FRMD6: variants seen among roughly 807,000 people sequenced by gnomAD.
The protein encoded by FRMD6 is FERM domain containing 6.
FRMD6 carries 37 observed loss-of-function variants against 73.2 expected under a neutral mutation model. The observed-to-expected ratio is 0.51, with a 90% confidence interval of 0.39 to 0.66. FRMD6 has a LOEUF of 0.66. Among genes scored for constraint, FRMD6 ranks in the 30% least tolerant of loss-of-function variants. The probability of loss-of-function intolerance (pLI) is 0.00; values close to 1 mark genes in which losing one functional copy is unlikely to be tolerated. For missense variants in FRMD6, 714 were observed against 780.5 expected (o/e 0.91, Z 1.02); for synonymous variants, 273 against 282.2 (o/e 0.97, Z 0.33).
chr14:51,651,444 C>G (rs1339348826), upstream of FRMD6: 4 of 152,288 alleles, frequency 2.6e-5, no homozygotes, highest in African/African-American at 4.8e-5. Context: ...CCCGGCCAGC[C>G]CGACTCGGCT....
At chr14:51,654,699 A>G (rs916957432) in intron 1 of FRMD6, among the ~76,000 whole-genome samples, 2 of 152,136 alleles carry the variant, frequency 1.3e-5, no homozygotes, top group Non-Finnish European at 1.5e-5. Context: ...TTAGATTTGG[A>G]TGATCTCAAC....
intron 2 of FRMD6, among the ~76,000 whole-genome samples, chr14:51,639,479 GCTA>G (rs934429614): frequency 1.8e-4 from 27 of 151,880 alleles, no homozygotes; most frequent in Non-Finnish European, 1.3e-4. Flanking sequence ...CTATTAATAA[GCTA>G]CTAACTTTGG....
intron 1 of FRMD6, among the ~76,000 whole-genome samples, chr14:51,562,931 A>T (rs868721543): frequency 2.6e-5 from 4 of 152,234 alleles, no homozygotes; most frequent in Admixed American, 1.3e-4. Flanking sequence ...GTCTCTTTGC[A>T]CAACGTCTGG....
intron 1 of FRMD6, among the ~76,000 whole-genome samples, chr14:51,521,200 A>T (rs576123772): frequency 7.2e-5 from 11 of 152,318 alleles, no homozygotes; most frequent in African/African-American, 2.6e-4. Flanking sequence ...AGACGTATAC[A>T]TTTGGTGAAA....
chr14:51,718,483 C>G (rs1366138998), intron 10 of FRMD6, among the ~76,000 whole-genome samples: 1 of 152,202 alleles, frequency 6.6e-6, no homozygotes, highest in Admixed American at 6.5e-5. Context: ...TTTTTCTCTT[C>G]ACTTGCCACT....
chr14:51,631,094 C>G (rs1001840541), intron 2 of FRMD6, among the ~76,000 whole-genome samples: 9 of 151,996 alleles, frequency 5.9e-5, no homozygotes, highest in Non-Finnish European at 1.2e-4. Context: ...AGAAAATCCA[C>G]AGAGACAGTT....
chr14:51,719,743 A>C (rs1489476826), intron 10 of FRMD6, among the ~76,000 whole-genome samples: 1 of 152,224 alleles, frequency 6.6e-6, no homozygotes, highest in Non-Finnish European at 1.5e-5. Context: ...TCACTCACTG[A>C]ATTTATTTCA....
the FRMD6 span, among the ~76,000 whole-genome samples, chr14:51,461,307 G>A: frequency 3.9e-5 from 6 of 152,204 alleles, no homozygotes; most frequent in Non-Finnish European, 7.3e-5. Context: ...ACAAGAGAAT[G>A]ATGATTAGAT....
chr14:51,701,401 GTA>G lies in FRMD6; in HGVS notation c.294+253_294+254del, dbSNP rs1308901058. 5.8e-5 allele frequency among the ~76,000 whole-genome samples: 8 copies of G among 138,282 alleles called. No individual in the cohort carries two copies. In the East Asian group the frequency reaches 1.3e-3, roughly 22 times the overall value. The allele number at this position is 138,282 out of a possible 152,430, so 90.7% of individuals were successfully genotyped here. A position where few individuals can be genotyped will look rare whatever the true frequency, so the allele number is the denominator to read the frequency against. The stretch of plus-strand genomic sequence containing the variant: ...ATATATATAGTAGTATATATACTTA[GTA>G]TATATATATAGTAATATGTATAGTA... On this transcript the variant is annotated intron_variant, in intron 4 of 13. Transcript: ENST00000344768.
At chr14:51,454,070 C>T in the FRMD6 span, among the ~76,000 whole-genome samples, 1 of 152,320 alleles carries the variant, frequency 6.6e-6, no homozygotes, top group South Asian at 2.1e-4. Flanking sequence ...GCCCCGCCAG[C>T]AGCCAGCAGG....
Position 51,638,205 on chromosome 14 carries a change from C to A in FRMD6, c.-146-51486C>A, listed in dbSNP as rs111561833. Reference sequence around the variant, plus strand: ...AGGCTGAGGTGGGGGGATCACGAGTCCAGGAGTTTGAGGTTGCAGAGAGCT... The same window carrying A: ...AGGCTGAGGTGGGGGGATCACGAGTACAGGAGTTTGAGGTTGCAGAGAGCT... On this transcript the variant is annotated intron_variant, in intron 2 of 14. Coordinates refer to the FRMD6 transcript ENST00000356218. 1.9e-3 allele frequency among the ~76,000 whole-genome samples: 289 copies of A among 152,156 alleles called. 2 individuals carry two copies. Among genetic ancestry groups the A allele is most frequent in the African/African-American group, 6.7e-3 (279 of 41,488 alleles).
At chr14:51,624,408 A>G (rs566658740) in intron 2 of FRMD6, among the ~76,000 whole-genome samples, 4 of 152,368 alleles carry the variant, frequency 2.6e-5, no homozygotes, top group African/African-American at 9.6e-5. Flanking sequence ...TGTGAAAAGT[A>G]CTATTCAAAA....
Position 51,495,156 on chromosome 14 carries a change from C to T in FRMD6, c.-210+5736C>T, listed in dbSNP as rs571847764. ...CTTCCACAAAACACTAAGACAAAGA[C>T]ACAATTCAACTAAGGTATTTGCCAC... On this transcript the variant is annotated intron_variant, in intron 1 of 14. Coordinates refer to the FRMD6 transcript ENST00000356218. Among the ~76,000 whole-genome samples, 13 of 152,312 alleles carry T rather than the reference C, an allele frequency of 8.5e-5. No individual in the cohort carries two copies. In the South Asian group the frequency reaches 2.5e-3, roughly 29 times the overall value.
At chr14:51,672,448 T>G (rs1894078486) in intron 1 of FRMD6, among the ~76,000 whole-genome samples, 2 of 152,204 alleles carry the variant, frequency 1.3e-5, no homozygotes, top group African/African-American at 4.8e-5. Flanking sequence ...CCTTCTGGTT[T>G]CTTTTTGTTT....
intron 2 of FRMD6, among the ~76,000 whole-genome samples, chr14:51,640,327 A>T (rs1891758896): frequency 6.6e-6 from 1 of 152,206 alleles, no homozygotes; most frequent in African/African-American, 2.4e-5. Flanking sequence ...AATATTTTAG[A>T]TCTGGCCTCT....
chr14:51,653,701 A>G (rs1892601952), intron 1 of FRMD6, among the ~76,000 whole-genome samples: 1 of 152,200 alleles, frequency 6.6e-6, no homozygotes, highest in Admixed American at 6.5e-5. Context: ...ACTTAACAGC[A>G]CCACAGCACC....
At chr14:51,458,234 C>A in the FRMD6 span, among the ~76,000 whole-genome samples, 1 of 152,146 alleles carries the variant, frequency 6.6e-6, no homozygotes, top group Non-Finnish European at 1.5e-5. Flanking sequence ...ATTAACTGTT[C>A]CTTTTTCTTG....
chr14:51,703,230 A>G (rs1052227665), intron 5 of FRMD6, among the ~76,000 whole-genome samples: 2 of 152,060 alleles, frequency 1.3e-5, no homozygotes, highest in Non-Finnish European at 2.9e-5. Flanking sequence ...AGAATTCACC[A>G]TTTCAGAAGC....
chr14:51,441,487 G>A, the FRMD6 span, among the ~76,000 whole-genome samples: 1 of 152,152 alleles, frequency 6.6e-6, no homozygotes, highest in South Asian at 2.1e-4. Context: ...AAAGAAGGTG[G>A]GATTGTAAAT....
Sources: allele counts gnomAD v4.1 joint callset (sites outside exome capture counted in the v4.1 genomes callset), GRCh38; gene constraint gnomAD v4.1.1; transcripts MANE v1.5; gene names NCBI Gene and HGNC (gene_info 2026-07-23, HGNC 2026-07-21).